The following EVL variants were observed in gnomAD, a reference collection of about 807,000 sequenced individuals.
The protein encoded by EVL is Enah/Vasp-like.
EVL carries 21 observed loss-of-function variants against 59.6 expected under a neutral mutation model. The observed-to-expected ratio is 0.35, with a 90% CI of 0.25 to 0.51. The LOEUF is 0.51. Among genes scored for constraint, EVL ranks in the 20% least tolerant of loss-of-function variants. The probability of loss-of-function intolerance (pLI) is 0.97; values close to 1 mark genes in which losing one functional copy is unlikely to be tolerated. For synonymous variants in EVL, 198 were observed against 203.5 expected (o/e 0.97, Z 0.23); for missense variants, 462 against 546.6 (o/e 0.85, Z 1.54).
At chr14:100,091,345 A>G (rs1464772225) in intron 2 of EVL, among the ~76,000 whole-genome samples, 1 of 152,186 alleles carries the variant, frequency 6.6e-6, no homozygotes, top group African/African-American at 2.4e-5. Flanking sequence ...GGAATGCTAC[A>G]GAGAGGCCGA....
chr14:100,072,141 G>A (rs151106739), intron 1 of EVL, among the ~76,000 whole-genome samples: 2 of 152,292 alleles, frequency 1.3e-5, no homozygotes, highest in Admixed American at 6.5e-5. Context: ...GCTTGAAAGG[G>A]AGTAAGCAGA....
intron 1 of EVL, among the ~76,000 whole-genome samples, chr14:100,076,577 TG>T (rs1430639603): frequency 6.6e-6 from 1 of 152,206 alleles, no homozygotes; most frequent in Non-Finnish European, 1.5e-5. Context: ...TAACTCAGCC[TG>T]GGGCTTCAGG....
chr14:100,059,714 C>CT (rs1490629487), intron 1 of EVL, among the ~76,000 whole-genome samples: 1 of 151,546 alleles, frequency 6.6e-6, no homozygotes, highest in Non-Finnish European at 1.5e-5. Flanking sequence ...GGACTGTGCT[C>CT]TTGAGTCAGA....
chr14:100,113,692 A>G (rs1887148182), intron 3 of EVL, among the ~76,000 whole-genome samples: 2 of 152,150 alleles, frequency 1.3e-5, no homozygotes, highest in Admixed American at 6.5e-5. Flanking sequence ...TGCTCTTAAA[A>G]TCCATGCGTA....
chr14:100,101,945 C>A (rs1886248542), intron 3 of EVL, among the ~76,000 whole-genome samples: 1 of 152,100 alleles, frequency 6.6e-6, no homozygotes, highest in African/African-American at 2.4e-5. Context: ...TCAAGTGATT[C>A]CCTTGCCTCA....
intron 1 of EVL, among the ~76,000 whole-genome samples, chr14:100,077,895 C>G (rs1288652715): frequency 6.6e-6 from 1 of 152,188 alleles, no homozygotes; most frequent in African/African-American, 2.4e-5. Flanking sequence ...GCCTCAGCCT[C>G]CGGAGTAGCT....
In EVL at chr14:100,137,813, A is replaced by G. The variant is rs1888904826; in HGVS notation, c.1094+11A>G. On this transcript the variant is annotated intron_variant, in intron 11 of 13. Coordinates refer to ENST00000392920, the MANE Select transcript of EVL (RefSeq NM_016337.3). ...GCAGCCTCACTCTAGGTACCGAACA[A>G]CCCTCCTGCTCACATGTCCCCCAGG... 2.2e-5 allele frequency: 36 copies of G among 1,613,594 alleles called. No individual in the cohort carries two copies. Among genetic ancestry groups the G allele is most frequent in the Non-Finnish European group, 3.1e-5 (36 of 1,179,812 alleles).
In EVL at chr14:100,114,751, T is replaced by C. The variant is rs993631015; in HGVS notation, c.359-8788T>C. Among the ~76,000 whole-genome samples, 2 of 152,138 alleles carry C rather than the reference T, an allele frequency of 1.3e-5. No homozygotes were observed. The highest frequency in any genetic ancestry group is 2.9e-5 in the Non-Finnish European group (2 of 68,000). Reference sequence around the variant, plus strand: ...AGGTGATGGGAGCCCCTCTCTCTCCTCCCTGCTCCTCATGGGCCTCTCCTT... The same window carrying C: ...AGGTGATGGGAGCCCCTCTCTCTCCCCCCTGCTCCTCATGGGCCTCTCCTT... On this transcript the variant is annotated intron_variant, in intron 3 of 13. Coordinates refer to ENST00000392920, the MANE Select transcript of EVL (RefSeq NM_016337.3). This position sits in a 1 kb window ranked among gnomAD's most constrained non-coding sequence, Gnocchi z 5.0.
intron 1 of EVL, among the ~76,000 whole-genome samples, chr14:100,069,916 G>A (rs148070280): frequency 6.6e-6 from 1 of 151,766 alleles, no homozygotes; most frequent in Non-Finnish European, 1.5e-5. Flanking sequence ...TATCACTATT[G>A]CCACTTTACA....
At chr14:100,019,808 C>A in intron 1 of EVL, 1 of 994,110 alleles carries the variant, frequency 1.0e-6, no homozygotes, top group Non-Finnish European at 1.5e-6. Flanking sequence ...TTCTTTTCAG[C>A]TTGTGGTGGG....
chr14:100,128,552 C>T lies in EVL; in HGVS notation c.521C>T (p.Ala174Val). 1 of 1,611,482 alleles carries T rather than the reference C, an allele frequency of 6.2e-7. No individual in the cohort carries two copies. The highest frequency in any genetic ancestry group is 8.5e-7 in the Non-Finnish European group (1 of 1,179,768). ...CTCCCACCAGGACATCCTTCATCTG[C>T]AGCCAGCGCCCCCGTCTCATGTAGT... ...PILPPGHPSSAASAPVSCSGP... is the reference protein window; with the variant it reads ...PILPPGHPSSVASAPVSCSGP... Residue 174 changes from alanine (A) to valine (V), a missense_variant, in exon 6 of 14, where the codon GCA becomes GTA. By Grantham distance (64) the Ala-to-Val change is moderately conservative. Coordinates refer to ENST00000392920, the MANE Select transcript of EVL (RefSeq NM_016337.3).
At chr14:100,104,018 T>C (rs2068259222) in intron 3 of EVL, among the ~76,000 whole-genome samples, 5 of 152,212 alleles carry the variant, frequency 3.3e-5, no homozygotes. Context: ...GATCTCCCTG[T>C]GCCCCAGTCG....
intron 3 of EVL, among the ~76,000 whole-genome samples, chr14:100,098,189 G>A (rs1885950769): frequency 6.6e-6 from 1 of 152,178 alleles, no homozygotes; most frequent in Admixed American, 6.5e-5. Context: ...TTAAATAAAG[G>A]TACGTGCAAG....
rs1251008417 is a variant in EVL, at chr14:100,114,291, C to T, written c.359-9248C>T. Among the ~76,000 whole-genome samples the T allele has an allele frequency of 6.6e-6, 1 of 152,058 alleles. No homozygotes were observed. The highest frequency in any genetic ancestry group is 1.9e-4 in the East Asian group (1 of 5,174). On this transcript the variant is annotated intron_variant, in intron 3 of 13. Coordinates refer to ENST00000392920, the MANE Select transcript of EVL (RefSeq NM_016337.3). This position sits in a 1 kb window ranked among gnomAD's most constrained non-coding sequence, Gnocchi z 5.0. Reference sequence around the variant, plus strand: ...ACAGGCATTCTCTGCACACTTGCTCCCTTCTGACGCCACACCTACCCTGTT... The same window carrying T: ...ACAGGCATTCTCTGCACACTTGCTCTCTTCTGACGCCACACCTACCCTGTT...
At chr14:100,055,285 T>C (rs1375768955) in intron 1 of EVL, among the ~76,000 whole-genome samples, 2 of 152,134 alleles carry the variant, frequency 1.3e-5, no homozygotes, top group South Asian at 2.1e-4. Flanking sequence ...ATGTGGCCTT[T>C]CGTGTCTTGC....
At chr14:100,110,921 C>G (rs1340259641) in intron 3 of EVL, among the ~76,000 whole-genome samples, 4 of 152,160 alleles carry the variant, frequency 2.6e-5, no homozygotes, top group African/African-American at 7.2e-5. Context: ...CATTCCCCAG[C>G]CTTGCCTCAC....
intron 2 of EVL, among the ~76,000 whole-genome samples, chr14:100,085,936 G>T (rs1308389127): frequency 6.6e-6 from 1 of 152,112 alleles, no homozygotes; most frequent in Non-Finnish European, 1.5e-5. Context: ...GACCAGCCTG[G>T]CTAACACGGC....
At chr14:99,977,824 G>A (rs371626379) in intron 1 of EVL, among the ~76,000 whole-genome samples, 2 of 151,988 alleles carry the variant, frequency 1.3e-5, no homozygotes, top group East Asian at 1.9e-4. Flanking sequence ...GGCTGGGCAC[G>A]GTGGTTCATG....
intron 3 of EVL, among the ~76,000 whole-genome samples, chr14:100,113,555 G>A (rs938807595): frequency 2.0e-5 from 3 of 152,150 alleles, no homozygotes; most frequent in Admixed American, 6.5e-5. Context: ...TCTGCTCATC[G>A]TGTGGGGGAA....
Sources: allele counts gnomAD v4.1 joint callset (sites outside exome capture counted in the v4.1 genomes callset), GRCh38; gene constraint gnomAD v4.1.1; non-coding constraint Gnocchi (gnomAD v3.1); transcripts MANE v1.5; gene names NCBI Gene and HGNC (gene_info 2026-07-23, HGNC 2026-07-21).